The following AP3D1 variants were observed in gnomAD, a reference collection of about 807,000 sequenced individuals.
AP3D1 encodes adaptor related protein complex 3 subunit delta 1.
A neutral mutation model predicts 147.6 loss-of-function variants in AP3D1; 51 were observed. That is an observed-to-expected ratio of 0.35 (90% CI 0.28 to 0.44). The LOEUF is 0.44. Ranked by LOEUF, AP3D1 falls within the 20% of genes least tolerant of loss-of-function variation. The pLI, the probability that AP3D1 is intolerant of heterozygous loss-of-function variation, is 1.00. For missense variants in AP3D1, 1,421 were observed against 1,624.2 expected, an observed-to-expected ratio of 0.87 and a Z score of 2.15; for synonymous variants, 760 against 663.0, an observed-to-expected ratio of 1.15 and a Z score of -2.25.
intron 31 of AP3D1, 22 bp downstream of exon 31, chr19:2,108,665 T>G: frequency 6.4e-7 from 1 of 1,562,868 alleles, no homozygotes; most frequent in South Asian, 1.2e-5. Flanking sequence ...AGCCAGGGTG[T>G]GCACAGCAGC....
intron 1 of AP3D1, among the ~76,000 whole-genome samples, chr19:2,146,607 C>CAAAA (rs397859951): frequency 1.5e-5 from 1 of 66,668 alleles, no homozygotes. Context: ...GACCCTGTCT[C>CAAAA]AAAAAAAAAA....
chr19:2,117,119 C>T (rs935022449), intron 16 of AP3D1, 103 bp downstream of exon 16: 6 of 1,419,366 alleles, frequency 4.2e-6, no homozygotes, highest in Non-Finnish European at 5.6e-6. Context: ...CAGCCCCACA[C>T]CCTCCTGGCT....
At chr19:2,125,284 C>G (rs76527500) in intron 9 of AP3D1, among the ~76,000 whole-genome samples, 2 of 152,236 alleles carry the variant, frequency 1.3e-5, no homozygotes, top group African/African-American at 4.8e-5. Context: ...ATGTCACACC[C>G]AATCTTTGTA....
chr19:2,109,070 C>A lies in AP3D1; in HGVS notation c.3472+16G>T. 1.2e-6 allele frequency: 2 copies of A among 1,607,762 alleles called. 1 individual carries two copies. Among genetic ancestry groups the A allele is most frequent in the Middle Eastern group, 3.3e-4 (2 of 6,032 alleles). ...TGAAAGCCCCGTGCAATCCATCAGC[C>A]CCTCACTCTCCTTACCGGAAAAATG... On this transcript the variant is annotated intron_variant, in intron 30 of 31. Coordinates refer to ENST00000643116, the MANE Select transcript of AP3D1 (RefSeq NM_001261826.3).
chr19:2,128,397 C>T (rs1298344505), intron 8 of AP3D1, among the ~76,000 whole-genome samples: 3 of 152,200 alleles, frequency 2.0e-5, no homozygotes, highest in Admixed American at 6.5e-5. Context: ...GCTTCACGCC[C>T]AGCCCCCGCT....
At position 2,164,246 on chromosome 19, in the gene AP3D1, C is replaced by T; in HGVS notation, c.-103+110G>A. ...GTGGGGGCTGAGCCCGCCGTCTACC[C>T]GTGGCCGCTGCCGGTCTACGTGAGT... On this transcript the variant is annotated intron_variant, in intron 1 of 14. Transcript: ENST00000643010. 1 of 1,286,670 alleles carries T rather than the reference C, an allele frequency of 7.8e-7. No homozygotes were observed. Among genetic ancestry groups the T allele is most frequent in the Non-Finnish European group, 9.9e-7 (1 of 1,014,034 alleles). The allele number at this position is 1,286,670 out of a possible 1,614,324, so 79.7% of individuals were successfully genotyped here.
intron 1 of AP3D1, among the ~76,000 whole-genome samples, chr19:2,158,291 T>C (rs182133872): frequency 3.3e-5 from 5 of 151,730 alleles, no homozygotes; most frequent in Admixed American, 1.3e-4. Context: ...CTCCTGACCT[T>C]GTGATCCGCC....
At chr19:2,141,405 C>T (rs192914698) in intron 1 of AP3D1, among the ~76,000 whole-genome samples, 2 of 151,384 alleles carry the variant, frequency 1.3e-5, no homozygotes, top group East Asian at 1.9e-4. Flanking sequence ...GCCATTTAAA[C>T]CCTAGATACA....
At chr19:2,124,780 A>C (rs555990889) in intron 9 of AP3D1, among the ~76,000 whole-genome samples, 1 of 152,284 alleles carries the variant, frequency 6.6e-6, no homozygotes, top group South Asian at 2.1e-4. Flanking sequence ...GTCTCTACTA[A>C]AAATACAAAA....
chr19:2,121,393 G>A (rs568834258), intron 12 of AP3D1, 82 bp from the exon 13 acceptor site: 1 of 1,519,086 alleles, frequency 6.6e-7, no homozygotes, highest in African/African-American at 1.4e-5. Context: ...CTGCTCCTGA[G>A]ACAGAATCCA....
chr19:2,111,243 G>A (rs1296271004), intron 26 of AP3D1, 42 bp downstream of exon 26: 3 of 1,611,750 alleles, frequency 1.9e-6, no homozygotes, highest in African/African-American at 1.3e-5. Context: ...GCCAAAGAGT[G>A]TGGGCTGGCC....
intron 1 of AP3D1, among the ~76,000 whole-genome samples, chr19:2,161,316 C>A (rs1359526351): frequency 6.6e-6 from 1 of 151,878 alleles, no homozygotes; most frequent in African/African-American, 2.4e-5. Flanking sequence ...TGCCTGCCAC[C>A]ATGCCTGGCT....
rs760684867 is a variant in AP3D1, at chr19:2,116,194, G to A, written c.2073+13C>T. The A allele has an allele frequency of 3.1e-6, 5 of 1,613,822 alleles. No homozygotes were observed. The Admixed American group carries it at 5.0e-5, about 16-fold the overall frequency. ...AGGGTGCTGAGGGACAGGCACCCGG[G>A]GACGGGCCTCACCTTCTGTGGCGAT... On this transcript the variant is annotated intron_variant, in intron 18 of 31. Transcript: ENST00000643116.
At chr19:2,120,627 C>A (rs974396926) in intron 14 of AP3D1, among the ~76,000 whole-genome samples, 2 of 152,192 alleles carry the variant, frequency 1.3e-5, no homozygotes, top group African/African-American at 4.8e-5. Flanking sequence ...CTCCTGGGAA[C>A]GCCACAGATG....
rs181418426 is a variant in AP3D1, at chr19:2,131,810, T to C, written c.462+661A>G. Among the ~76,000 whole-genome samples, 19 of 134,212 alleles carry C rather than the reference T, an allele frequency of 1.4e-4. 1 individual carries two copies. The highest frequency in any genetic ancestry group is 5.2e-4 in the African/African-American group (17 of 32,610). 88.0% of individuals were successfully genotyped at this position (134,212 alleles called of 152,430 possible). A position where few individuals can be genotyped will look rare whatever the true frequency, so the allele number is the denominator to read the frequency against. ...GGGACCGCGCCCATCGGCCACGATC[T>C]AGACACCTCCGGGCGGACAGGCAGC... is the stretch of plus-strand genomic sequence containing the variant. On this transcript the variant is annotated intron_variant, in intron 5 of 31. Coordinates refer to ENST00000643116, the MANE Select transcript of AP3D1 (RefSeq NM_001261826.3).
chr19:2,120,070 G>A (rs1461632272), intron 14 of AP3D1, among the ~76,000 whole-genome samples: 1 of 152,218 alleles, frequency 6.6e-6, no homozygotes, highest in Non-Finnish European at 1.5e-5. Flanking sequence ...GGCCCAGGGT[G>A]GGGAGTGCTC....
intron 1 of AP3D1, among the ~76,000 whole-genome samples, chr19:2,150,735 C>T (rs2144580284): frequency 6.6e-6 from 1 of 152,218 alleles, no homozygotes; most frequent in East Asian, 1.9e-4. Flanking sequence ...CGGCCCAGGA[C>T]CCCCTGCCTC....
At position 2,116,283 on chromosome 19, in the gene AP3D1, G is replaced by A; in HGVS notation, c.2002-5C>T. 6.2e-7 allele frequency: 1 copy of A among 1,613,674 alleles called. No homozygotes were observed. Among genetic ancestry groups the A allele is most frequent in the Non-Finnish European group, 8.5e-7 (1 of 1,179,890 alleles). ...CTGCTTCCGGGCCTCTCGGCGCTGT[G>A]GGACACAGCTTGGCATGAGCCCGAG... is the stretch of plus-strand genomic sequence containing the variant. On this transcript the variant is annotated splice_region_variant and splice_polypyrimidine_tract_variant and intron_variant, in intron 17 of 31. Coordinates refer to ENST00000643116, the MANE Select transcript of AP3D1 (RefSeq NM_001261826.3).
intron 31 of AP3D1, among the ~76,000 whole-genome samples, chr19:2,104,644 A>G (rs987230176): frequency 6.6e-5 from 10 of 151,048 alleles, no homozygotes; most frequent in Non-Finnish European, 8.8e-5. Context: ...AGGTGGACGG[A>G]CACTAGGACT....
Sources: gnomAD v4.1 joint callset for allele counts (sites outside exome capture counted in the v4.1 genomes callset) on GRCh38, gnomAD v4.1.1 for gene constraint, MANE v1.5 for transcripts, NCBI Gene and HGNC (gene_info 2026-07-23, HGNC 2026-07-21) for gene names.